Variants in SLC30A10 observed in about 807,000 individuals in gnomAD.
SLC30A10 encodes the protein calcium/manganese antiporter SLC30A10.
In SLC30A10, 8 loss-of-function variants were observed where a neutral mutation model predicts 21.7. That is an observed-to-expected ratio of 0.37 (90% CI 0.22 to 0.67). The LOEUF is 0.67. Ranked by LOEUF, SLC30A10 falls within the 30% of genes least tolerant of loss-of-function variation. SLC30A10 has a pLI of 0.58. For missense variants in SLC30A10, 521 were observed against 642.5 expected, an observed-to-expected ratio of 0.81 and a Z score of 2.04; for synonymous variants, 272 against 279.4, an observed-to-expected ratio of 0.97 and a Z score of 0.26.
chr1:219,940,772 G>T (rs559911250), intron 1 of SLC30A10, among the ~76,000 whole-genome samples: 1 of 152,262 alleles, frequency 6.6e-6, no homozygotes, highest in South Asian at 2.1e-4. Context: ...TTACTGAATG[G>T]GATCTAGGCA....
At chr1:219,939,822 A>G (rs2102542127) in intron 1 of SLC30A10, among the ~76,000 whole-genome samples, 1 of 152,276 alleles carries the variant, frequency 6.6e-6, no homozygotes, top group South Asian at 2.1e-4. Context: ...CTCTTTAACC[A>G]TGGACCCATT....
chr1:219,945,036 T>C (rs1323948890), intron 1 of SLC30A10, among the ~76,000 whole-genome samples: 1 of 152,188 alleles, frequency 6.6e-6, no homozygotes, highest in African/African-American at 2.4e-5. Flanking sequence ...AAATTAATCT[T>C]AAGAGCATTA....
At chr1:219,937,024 T>C (rs1225717268) in intron 1 of SLC30A10, among the ~76,000 whole-genome samples, 1 of 152,164 alleles carries the variant, frequency 6.6e-6, no homozygotes. Flanking sequence ...AGTCTTTTTT[T>C]AAAAAAAGAA....
At chr1:219,935,401 G>A (rs1201159317) in intron 1 of SLC30A10, among the ~76,000 whole-genome samples, 2 of 152,226 alleles carry the variant, frequency 1.3e-5, no homozygotes, top group Non-Finnish European at 2.9e-5. Flanking sequence ...GTGTGAAGGG[G>A]AGAGAGGGTC....
chr1:219,941,977 G>A (rs894014982), intron 1 of SLC30A10, among the ~76,000 whole-genome samples: 3 of 152,328 alleles, frequency 2.0e-5, no homozygotes, highest in South Asian at 4.1e-4. Flanking sequence ...GGCAGATACT[G>A]GCTGGTATCT....
At chr1:219,925,651 A>ATATATATATATATATTTTTTT (rs1317554458) in intron 2 of SLC30A10, among the ~76,000 whole-genome samples, 1 of 48,282 alleles carries the variant, frequency 2.1e-5, no homozygotes, top group Non-Finnish European at 3.2e-5. Flanking sequence ...ATATATATAT[A>ATATATATATATATATTTTTTT]TTTTTTTTTT....
intron 2 of SLC30A10, among the ~76,000 whole-genome samples, chr1:219,921,495 C>T (rs547331067): frequency 5.3e-5 from 8 of 152,156 alleles, no homozygotes; most frequent in African/African-American, 1.9e-4. Context: ...CCACTATTAC[C>T]CCCTAAGAAT....
intron 1 of SLC30A10, among the ~76,000 whole-genome samples, chr1:219,953,226 A>G (rs1660293004): frequency 6.6e-6 from 1 of 152,190 alleles, no homozygotes; most frequent in Non-Finnish European, 1.5e-5. Flanking sequence ...ATTCCCAATC[A>G]TTACCATTCT....
chr1:219,953,816 C>G (rs1660306755), intron 1 of SLC30A10, among the ~76,000 whole-genome samples: 1 of 151,714 alleles, frequency 6.6e-6, no homozygotes, highest in Non-Finnish European at 1.5e-5. Flanking sequence ...ACACCATTCT[C>G]TTGCCTCAGC....
rs1017646256 is a variant in SLC30A10, at chr1:219,925,553, G to A, written c.718+1475C>T. On this transcript the variant is annotated intron_variant, in intron 2 of 3. Transcript: ENST00000366926. ...CATCTCAAAGAAGAAAAAAAATGAG[G>A]ATACTTAACAGAACAGGCTTTGAAA... Among the ~76,000 whole-genome samples the A allele has an allele frequency of 2.7e-5, 4 of 147,388 alleles. No homozygotes were observed. The Admixed American group carries it at 2.7e-4, about 10-fold the overall frequency.
intron 1 of SLC30A10, among the ~76,000 whole-genome samples, chr1:219,956,414 C>T (rs1225682013): frequency 1.3e-5 from 2 of 151,902 alleles, no homozygotes; most frequent in South Asian, 2.1e-4. Flanking sequence ...GATCTTAAAG[C>T]GTGAGTCACA....
chr1:219,953,253 G>A (rs563612922), intron 1 of SLC30A10, among the ~76,000 whole-genome samples: 95 of 152,246 alleles, frequency 6.2e-4, no homozygotes, highest in African/African-American at 2.3e-3. Context: ...GATCTAGAAA[G>A]GGAACTCAGG....
chr1:219,951,549 G>A (rs1409472444), intron 1 of SLC30A10, among the ~76,000 whole-genome samples: 7 of 151,466 alleles, frequency 4.6e-5, no homozygotes, highest in South Asian at 4.2e-4. Context: ...GTGAAACCCC[G>A]TCTCTACTAA....
chr1:219,937,132 A>G (rs1694592), intron 1 of SLC30A10, among the ~76,000 whole-genome samples: 129,402 of 152,214 alleles, frequency 0.85, 55,421 homozygotes, highest in African/African-American at 0.96. Flanking sequence ...GAAATTCATA[A>G]GTTCGTGTTT....
In SLC30A10 at chr1:219,952,044, A is replaced by G. The variant is rs74368243; in HGVS notation, n.80+6524T>C. 7.7e-3 allele frequency among the ~76,000 whole-genome samples: 1,171 copies of G among 152,310 alleles called. 12 individuals carry two copies. The highest frequency in any genetic ancestry group is 0.027 in the African/African-American group (1,140 of 41,552). On this transcript the variant is annotated intron_variant and non_coding_transcript_variant, in intron 1 of 8. Transcript: ENST00000484239. ...GCTGTAACCATATATATGATTAACA[A>G]TAATAAGAGTCTTGGCAAGGATAAG...
intron 2 of SLC30A10, among the ~76,000 whole-genome samples, chr1:219,923,913 A>G (rs1157386688): frequency 6.6e-6 from 1 of 152,200 alleles, no homozygotes; most frequent in Non-Finnish European, 1.5e-5. Context: ...TACAAAAAAA[A>G]TTAGCCGGGT....
upstream of SLC30A10, chr1:219,928,686 T>C (rs1659911931): frequency 1.4e-5 from 6 of 419,190 alleles, no homozygotes; most frequent in South Asian, 5.2e-5. The surrounding 1 kb of genome is among the most constrained non-coding windows in gnomAD (Gnocchi z 6.3). Context: ...CCCGCGGCCC[T>C]TTTCCCCTCC....
chr1:219,927,774 G>T (rs1278125957), intron 1 of SLC30A10, 27 bp downstream of exon 1: 6 of 1,501,448 alleles, frequency 4.0e-6, no homozygotes, highest in East Asian at 2.8e-5. Context: ...AGGGCCAAGC[G>T]GTCCAAAGGA....
chr1:219,941,586 T>A (rs1277131964), intron 1 of SLC30A10, among the ~76,000 whole-genome samples: 1 of 95,436 alleles, frequency 1.0e-5, no homozygotes, highest in Non-Finnish European at 2.1e-5. Flanking sequence ...CCTTCCTCTC[T>A]GCCTTCCTCT....
Sources: gnomAD v4.1 joint callset for allele counts (sites outside exome capture counted in the v4.1 genomes callset) on GRCh38, gnomAD v4.1.1 for gene constraint, Gnocchi (gnomAD v3.1) non-coding constraint, MANE v1.5 for transcripts, NCBI Gene and HGNC (gene_info 2026-07-23, HGNC 2026-07-21) for gene names.